The following STK36 variants were observed in gnomAD, a reference collection of about 807,000 sequenced individuals.
STK36 encodes serine/threonine kinase 36, also known as serine/threonine-protein kinase 36.
STK36 carries 116 observed loss-of-function variants against 142.2 expected under a neutral mutation model. That is an observed-to-expected ratio of 0.82 (90% CI 0.70 to 0.95). The LOEUF (loss-of-function observed/expected upper bound fraction) is 0.95. Ranked by LOEUF, STK36 falls within the 40% of genes least tolerant of loss-of-function variation. The pLI, the probability that STK36 is intolerant of heterozygous loss-of-function variation, is 0.00. For missense variants in STK36, 1,422 were observed against 1,617.2 expected, an observed-to-expected ratio of 0.88 and a Z score of 2.07; for synonymous variants, 619 against 641.7, an observed-to-expected ratio of 0.96 and a Z score of 0.53.
At chr2:218,674,092 G>A in intron 4 of STK36, 136 bp downstream of exon 4, 1 of 816,928 alleles carries the variant, frequency 1.2e-6, no homozygotes, top group Non-Finnish European at 1.9e-6. Context: ...GGTATATAGA[G>A]GCAGTGTAGT....
intron 4 of STK36, 78 bp downstream of exon 4, chr2:218,674,034 A>C: frequency 7.3e-7 from 1 of 1,376,980 alleles, no homozygotes; most frequent in Non-Finnish European, 1.0e-6. Context: ...AGCTAAGGAC[A>C]CTGAGAGTCT....
At chr2:218,700,069 T>A (rs1232184130) in intron 26 of STK36, among the ~76,000 whole-genome samples, 1 of 152,100 alleles carries the variant, frequency 6.6e-6, no homozygotes, top group East Asian at 1.9e-4. Context: ...ATTATAGGCA[T>A]GTGCCACCAC....
chr2:218,686,866 A>G (rs1940800440), intron 11 of STK36, among the ~76,000 whole-genome samples: 1 of 152,216 alleles, frequency 6.6e-6, no homozygotes, highest in Non-Finnish European at 1.5e-5. Context: ...TGGCTGTACC[A>G]TTTTACATTC....
chr2:218,699,992 C>G (rs947402087), intron 26 of STK36, among the ~76,000 whole-genome samples: 1 of 151,656 alleles, frequency 6.6e-6, no homozygotes, highest in Non-Finnish European at 1.5e-5. Flanking sequence ...GGCATGATCT[C>G]GGCTCACCAC....
intron 21 of STK36, among the ~76,000 whole-genome samples, chr2:218,695,222 CTTTTTTT>C (rs531122836): frequency 2.4e-4 from 21 of 88,122 alleles, no homozygotes; most frequent in African/African-American, 9.6e-4. Flanking sequence ...ATTGTCATCC[CTTTTTTT>C]TTTTTTTTTT....
Position 218,688,711 on chromosome 2 carries a change from C to T in STK36, c.1395C>T (p.Ile465=), listed in dbSNP as rs778089715. 1 of 1,612,386 alleles carries T rather than the reference C, an allele frequency of 6.2e-7. No homozygotes were observed. The highest frequency in any genetic ancestry group is 2.2e-5 in the East Asian group (1 of 44,856). The part of the protein sequence containing the change: ...HEAGGQILKG[I]LEGASHILPA... The stretch of plus-strand genomic sequence containing the variant: ...ATGTCACCCAGATCCTGAAAGGCAT[C>T]TTGGAGGGTGCTTCCCACATCCTGC... Residue 465 remains isoleucine (I), a synonymous_variant, in exon 12 of 27, where the codon ATC becomes ATT. Transcript: ENST00000295709.
At position 218,702,253 on chromosome 2, in the gene STK36, A is replaced by G. The variant is rs1311489207; in HGVS notation, c.*244A>G. On this transcript the variant is annotated 3_prime_UTR_variant, in exon 27 of 27. Transcript: ENST00000295709. The stretch of plus-strand genomic sequence containing the variant: ...CAGAGAAGAGTCCTTTCTTCTCTAC[A>G]TCCAGGGGCCTTTTCTCCAATAATG... 5.3e-5 allele frequency: 21 copies of G among 395,866 alleles called. No homozygotes were observed. Among genetic ancestry groups the G allele is most frequent in the Non-Finnish European group, 8.8e-6 (2 of 227,822 alleles). The allele number at this position is 395,866 out of a possible 1,614,324, so 24.5% of individuals were successfully genotyped here. A position where few individuals can be genotyped will look rare whatever the true frequency, so the allele number is the denominator to read the frequency against.
At position 218,675,432 on chromosome 2, in the gene STK36, C is replaced by A; in HGVS notation, c.393C>A (p.Ile131=). The change falls in exon 5 of 27, where the codon ATC becomes ATA. Residue 131 remains isoleucine, a synonymous_variant. Transcript: ENST00000295709. ...ACCGAGATATGAAGCCTCAGAACATCCTCCTCGCCAAGGGTGGTGGCATCA... is the reference window on the plus strand; with the variant it reads ...ACCGAGATATGAAGCCTCAGAACATACTCCTCGCCAAGGGTGGTGGCATCA... ...ILHRDMKPQN[I]LLAKGGGIKL... is the part of the protein sequence containing the mutation. 14 of 1,613,850 alleles carry A rather than the reference C, an allele frequency of 8.7e-6. No individual in the cohort carries two copies. Among genetic ancestry groups the A allele is most frequent in the Non-Finnish European group, 1.1e-5 (13 of 1,179,936 alleles).
chr2:218,692,532 C>T (rs766344659), intron 15 of STK36, 51 bp from the exon 16 acceptor site: 17 of 1,574,512 alleles, frequency 1.1e-5, no homozygotes, highest in Admixed American at 1.8e-5. Flanking sequence ...GTGCTATTGT[C>T]TAGGGCAAGA....
At position 218,697,093 on chromosome 2, in the gene STK36, T is replaced by C. The variant is rs754789806; in HGVS notation, c.2641T>C (p.Leu881=). The part of the protein sequence containing the change: ...DMSSSEMWTV[L]WHRFSMVLRL... Reference sequence around the variant, plus strand: ...GTCCAGTTCAGAAATGTGGACCGTTTTGTGGCACCGCTTCTCCATGGTCCT... The same window carrying C: ...GTCCAGTTCAGAAATGTGGACCGTTCTGTGGCACCGCTTCTCCATGGTCCT... Residue 881 remains leucine (L), a synonymous_variant, in exon 23 of 27, where the codon TTG becomes CTG. Transcript: ENST00000295709. The C allele has an allele frequency of 3.7e-6, 6 of 1,614,156 alleles. No individual in the cohort carries two copies. The highest frequency in any genetic ancestry group is 2.2e-5 in the South Asian group (2 of 91,084).
chr2:218,680,190 G>A, intron 9 of STK36, 110 bp downstream of exon 9: 1 of 1,028,556 alleles, frequency 9.7e-7, no homozygotes, highest in Admixed American at 2.3e-5. Context: ...CCTAAACATG[G>A]ATAGAGCCTC....
In STK36 at chr2:218,679,704, G is replaced by C. The variant is rs138174145; in HGVS notation, c.923G>C (p.Arg308Pro). ...QSRILTQAYK[R>P]MAEEAMQKKH... is the part of the protein sequence containing the mutation. ...CGCATCTTGACTCAGGCCTATAAAC[G>C]CATGGCTGAGGAGGCCATGCAGAAG... Residue 308 changes from arginine (R) to proline (P), a missense_variant, in exon 8 of 27, where the codon CGC becomes CCC. Transcript: ENST00000295709. The C allele has an allele frequency of 1.9e-6, 3 of 1,614,062 alleles. No homozygotes were observed. Among genetic ancestry groups the C allele is most frequent in the Non-Finnish European group, 2.5e-6 (3 of 1,180,040 alleles).
At chr2:218,675,948 G>C (rs1254169582) in intron 5 of STK36, 81 bp from the exon 6 acceptor site, 1 of 1,558,500 alleles carries the variant, frequency 6.4e-7, no homozygotes, top group African/African-American at 1.4e-5. Context: ...GCTCCGGTTT[G>C]GGATATCTCT....
At chr2:218,675,888 G>A in intron 5 of STK36, 141 bp from the exon 6 acceptor site, 1 of 1,056,138 alleles carries the variant, frequency 9.5e-7, no homozygotes, top group Non-Finnish European at 1.4e-6. Flanking sequence ...GGAGCTAGAG[G>A]CTGGGACTGC....
chr2:218,675,894 A>T, intron 5 of STK36, 135 bp from the exon 6 acceptor site: 1 of 1,109,014 alleles, frequency 9.0e-7, no homozygotes, highest in Non-Finnish European at 1.3e-6. Context: ...AGAGGCTGGG[A>T]CTGCTGCTGG....
At chr2:218,688,297 TG>T (rs2106356704) in intron 11 of STK36, 1 of 454,450 alleles carries the variant, frequency 2.2e-6, no homozygotes, top group East Asian at 7.0e-5. Flanking sequence ...TGAATAATGT[TG>T]TTTTGTCTTT....
In STK36 at chr2:218,699,112, CT is replaced by C; in HGVS notation, c.3569del (p.Leu1190ArgfsTer8). The stretch of plus-strand genomic sequence containing the variant: ...CCAGGCTGGTCCTCTGGGACCTGCC[CT>C]GGCAGCTGCAGTGCCCAGTATGACC... Reference protein sequence around the residue: ...AYQAGPLGPALAAAVPSMTQL... With the variant: ...AYQAGPLGPAXAAAVPSMTQL... On this transcript the variant is annotated frameshift_variant, in exon 26 of 27. Coordinates refer to ENST00000295709, the MANE Select transcript of STK36 (RefSeq NM_015690.5). LOFTEE classifies it high-confidence loss of function. 2 of 1,614,054 alleles carry C rather than the reference CT, an allele frequency of 1.2e-6. No homozygotes were observed. The highest frequency in any genetic ancestry group is 1.7e-6 in the Non-Finnish European group (2 of 1,180,020).
intron 6 of STK36, among the ~76,000 whole-genome samples, chr2:218,677,981 C>T (rs1306889318): frequency 1.3e-5 from 2 of 152,128 alleles, no homozygotes; most frequent in Non-Finnish European, 2.9e-5. Context: ...TTAGTAGAGA[C>T]GGGGTTTCAC....
Position 218,697,535 on chromosome 2 carries a change from C to T in STK36, c.2834C>T (p.Ser945Phe), listed in dbSNP as rs1162811701. The change falls in exon 24 of 27, where the codon TCC becomes TTC. Residue 945 changes from serine to phenylalanine, a missense_variant. By Grantham distance (155) the Ser-to-Phe change is radical (BLOSUM62 -2). Transcript: ENST00000295709. ...QEPQLCLSCL[S>F]QHGSILMSIL... ...CCCCAGTTATGCCTGAGCTGCCTGT[C>T]CCAGCATGGAAGTATCCTCATGTCC... 1 of 1,614,096 alleles carries T rather than the reference C, an allele frequency of 6.2e-7. No homozygotes were observed. The highest frequency in any genetic ancestry group is 8.5e-7 in the Non-Finnish European group (1 of 1,180,048).
Sources: gnomAD v4.1 joint callset for allele counts (sites outside exome capture counted in the v4.1 genomes callset) on GRCh38, gnomAD v4.1.1 for gene constraint, MANE v1.5 for transcripts, NCBI Gene and HGNC (gene_info 2026-07-23, HGNC 2026-07-21) for gene names.